MGST1: variants seen among roughly 807,000 people sequenced by gnomAD.
MGST1 encodes the protein glutathione S-transferase 12.
A neutral mutation model predicts 8.9 loss-of-function variants in MGST1; 5 were observed. That is an observed-to-expected ratio of 0.56 (90% CI 0.29 to 1.19). The LOEUF (loss-of-function observed/expected upper bound fraction) is 1.19, where lower values mean the gene tolerates loss of function less well. MGST1 is among the 50% of genes most tolerant of loss of function. The pLI is 0.08. For synonymous variants in MGST1, 54 were observed against 67.8 expected (o/e 0.80, Z 1.00); for missense variants, 182 against 187.4 (o/e 0.97, Z 0.17).
Position 16,560,294 on chromosome 12 carries a change from A to C in MGST1, n.483-29234A>C. 8.6e-7 allele frequency: 1 copy of C among 1,160,118 alleles called. No homozygotes were observed. Among genetic ancestry groups the C allele is most frequent in the South Asian group, 1.8e-5 (1 of 55,708 alleles). The allele number at this position is 1,160,118 out of a possible 1,614,324, so 71.9% of individuals were successfully genotyped here. On this transcript the variant is annotated intron_variant and non_coding_transcript_variant, in intron 4 of 4. Coordinates refer to the MGST1 transcript ENST00000538857. This position sits in a 1 kb window ranked among gnomAD's most constrained non-coding sequence, Gnocchi z 5.0. ...TCTGGCATGGGATTAAAGTTTACAG[A>C]ACAGAAAAACGCTGAGATTGATTGC...
intron 1 of MGST1, among the ~76,000 whole-genome samples, chr12:16,386,677 A>G (rs901078070): frequency 6.6e-6 from 1 of 152,180 alleles, no homozygotes; most frequent in African/African-American, 2.4e-5. Flanking sequence ...GTTTGCGAAC[A>G]CCCAAACTGT....
rs1166941700 is a variant in MGST1, at chr12:16,582,715, C to T, written n.483-6813C>T. ...CACCGTTCCTAGGTACGGTCCCTCA[C>T]TCTTTTAAGTATCTGATTGGGATGA... is the stretch of plus-strand genomic sequence containing the variant. On this transcript the variant is annotated intron_variant and non_coding_transcript_variant, in intron 4 of 4. Coordinates refer to the MGST1 transcript ENST00000538857. The surrounding 1 kb of genome is among the most constrained non-coding windows in gnomAD (Gnocchi z 4.1). 1.3e-5 allele frequency among the ~76,000 whole-genome samples: 2 copies of T among 152,118 alleles called. No homozygotes were observed. The highest frequency in any genetic ancestry group is 4.8e-5 in the African/African-American group (2 of 41,430).
chr12:16,360,687 C>G (rs1188097663), intron 3 of MGST1, among the ~76,000 whole-genome samples: 1 of 152,078 alleles, frequency 6.6e-6, no homozygotes, highest in African/African-American at 2.4e-5. Flanking sequence ...AAAATAAAGG[C>G]TTGAGTTGGT....
At chr12:16,523,564 C>T (rs996014996) in intron 4 of MGST1, among the ~76,000 whole-genome samples, 3 of 151,806 alleles carry the variant, frequency 2.0e-5, no homozygotes, top group Non-Finnish European at 4.4e-5. Context: ...GTGATGCTTT[C>T]TGGTACTTAA....
At chr12:16,494,667 G>A (rs1455613749) in intron 4 of MGST1, among the ~76,000 whole-genome samples, 3 of 152,158 alleles carry the variant, frequency 2.0e-5, no homozygotes, top group Non-Finnish European at 4.4e-5. Flanking sequence ...ATTAATGGGA[G>A]CAAGTTTCCT....
intron 1 of MGST1, among the ~76,000 whole-genome samples, chr12:16,429,361 T>C (rs1026451341): frequency 6.6e-6 from 1 of 152,158 alleles, no homozygotes; most frequent in Non-Finnish European, 1.5e-5. Flanking sequence ...TCTCATTCTT[T>C]TGATAGTCTT....
chr12:16,542,188 T>G (rs1488439900), intron 4 of MGST1, among the ~76,000 whole-genome samples: 3 of 152,200 alleles, frequency 2.0e-5, no homozygotes, highest in African/African-American at 7.2e-5. Context: ...TTTTCATCAA[T>G]TAAAATGGTG....
chr12:16,349,457 TGGTG>T (rs2136906856), intron 1 of MGST1, among the ~76,000 whole-genome samples: 1 of 152,288 alleles, frequency 6.6e-6, no homozygotes, highest in South Asian at 2.1e-4. Context: ...TTAGCCTTGA[TGGTG>T]GGTAGCCCAG....
At chr12:16,476,147 G>A (rs1413735666) in intron 4 of MGST1, among the ~76,000 whole-genome samples, 1 of 152,124 alleles carries the variant, frequency 6.6e-6, no homozygotes, top group Non-Finnish European at 1.5e-5. Context: ...TAACCATAGG[G>A]AATGCAGCCA....
intron 1 of MGST1, among the ~76,000 whole-genome samples, chr12:16,408,184 T>C (rs1591719599): frequency 6.6e-6 from 1 of 151,752 alleles, no homozygotes; most frequent in East Asian, 1.9e-4. Context: ...CATATGGACA[T>C]AAAGAAGAGA....
intron 4 of MGST1, among the ~76,000 whole-genome samples, chr12:16,484,534 A>C (rs1385290524): frequency 1.3e-5 from 2 of 152,196 alleles, no homozygotes; most frequent in Non-Finnish European, 2.9e-5. Flanking sequence ...TCACAGTTCC[A>C]CAGGCTATAC....
intron 4 of MGST1, among the ~76,000 whole-genome samples, chr12:16,574,313 A>G (rs912036826): frequency 6.6e-6 from 1 of 152,190 alleles, no homozygotes; most frequent in African/African-American, 2.4e-5. Flanking sequence ...TGTCTGATCA[A>G]CGAAAACGCC....
chr12:16,362,154 G>T lies in MGST1; in HGVS notation c.222-1641G>T, dbSNP rs1380353080. 1.3e-5 allele frequency among the ~76,000 whole-genome samples: 2 copies of T among 152,138 alleles called. No homozygotes were observed. The highest frequency in any genetic ancestry group is 6.5e-5 in the Admixed American group (1 of 15,270). On this transcript the variant is annotated intron_variant, in intron 3 of 3. Coordinates refer to ENST00000396210, the MANE Select transcript of MGST1 (RefSeq NM_020300.5). This position sits in a 1 kb window ranked among gnomAD's most constrained non-coding sequence, Gnocchi z 4.4. Reference sequence around the variant, plus strand: ...GTGATGCTGGGGGAGAAATCACAGGGGCAAAACAAATACTCTAGGTGTCAT... The same window carrying T: ...GTGATGCTGGGGGAGAAATCACAGGTGCAAAACAAATACTCTAGGTGTCAT...
chr12:16,495,094 C>T (rs1340920100), intron 4 of MGST1, among the ~76,000 whole-genome samples: 3 of 152,104 alleles, frequency 2.0e-5, no homozygotes, highest in African/African-American at 7.2e-5. Flanking sequence ...AGATAATTAA[C>T]ACCAGTATTC....
chr12:16,375,215 A>C (rs2193142), intron 3 of MGST1, among the ~76,000 whole-genome samples: 91,765 of 151,888 alleles, frequency 0.6, 28,490 homozygotes, highest in East Asian at 0.96. Context: ...AAAAGACAGA[A>C]CATAAAGTTT....
intron 4 of MGST1, among the ~76,000 whole-genome samples, chr12:16,509,060 T>C (rs1263034171): frequency 6.6e-6 from 1 of 152,142 alleles, no homozygotes; most frequent in Non-Finnish European, 1.5e-5. Context: ...TTAATATGAA[T>C]TATTAAAGCA....
intron 4 of MGST1, among the ~76,000 whole-genome samples, chr12:16,481,686 A>G (rs972947380): frequency 7.2e-5 from 11 of 152,198 alleles, no homozygotes; most frequent in Admixed American, 7.2e-4. Context: ...TCTAAAGAAC[A>G]TACAAAATAC....
chr12:16,435,467 A>C (rs1182890834), intron 1 of MGST1, among the ~76,000 whole-genome samples: 1 of 151,946 alleles, frequency 6.6e-6, no homozygotes, highest in Non-Finnish European at 1.5e-5. Context: ...CATGGCTGAA[A>C]CATATATCAT....
chr12:16,507,486 A>G (rs752730987), intron 4 of MGST1, among the ~76,000 whole-genome samples: 11 of 152,106 alleles, frequency 7.2e-5, no homozygotes, highest in Non-Finnish European at 1.3e-4. Context: ...AATAATTAAC[A>G]CCAGAAGGAA....
Sources: gnomAD v4.1 joint callset for allele counts (sites outside exome capture counted in the v4.1 genomes callset) on GRCh38, gnomAD v4.1.1 for gene constraint, Gnocchi (gnomAD v3.1) non-coding constraint, MANE v1.5 for transcripts, NCBI Gene and HGNC (gene_info 2026-07-23, HGNC 2026-07-21) for gene names.